MKLN1: variants seen among roughly 807,000 people sequenced by gnomAD.
MKLN1 encodes muskelin.
A neutral mutation model predicts 99.0 loss-of-function variants in MKLN1; 18 were observed. The observed-to-expected ratio is 0.18, with a 90% CI of 0.13 to 0.27. The LOEUF (loss-of-function observed/expected upper bound fraction) is 0.27. MKLN1 is among the 10% of genes least tolerant of loss of function. The probability of loss-of-function intolerance (pLI) is 1.00; values close to 1 mark genes in which losing one functional copy is unlikely to be tolerated. For missense variants in MKLN1, 621 were observed against 875.9 expected (o/e 0.71, Z 3.67); for synonymous variants, 288 against 293.2 (o/e 0.98, Z 0.18).
intron 3 of MKLN1, among the ~76,000 whole-genome samples, chr7:131,265,268 G>A (rs1190207982): frequency 6.6e-6 from 1 of 152,158 alleles, no homozygotes; most frequent in Non-Finnish European, 1.5e-5. Context: ...ACCACCACTG[G>A]GAATTACTTT....
chr7:131,444,760 A>AGTAGTAGT (rs1563351975), intron 11 of MKLN1, among the ~76,000 whole-genome samples: 41 of 56,322 alleles, frequency 7.3e-4, no homozygotes, highest in Admixed American at 9.6e-4. Flanking sequence ...GTAGTAGTAG[A>AGTAGTAGT]AGAAGTAGTA....
intron 3 of MKLN1, among the ~76,000 whole-genome samples, chr7:131,263,839 G>A (rs1222350569): frequency 6.6e-6 from 1 of 152,068 alleles, no homozygotes; most frequent in East Asian, 1.9e-4. Flanking sequence ...CAAAGTGCTG[G>A]GATTACAGGT....
intron 2 of MKLN1, among the ~76,000 whole-genome samples, chr7:131,381,549 A>G (rs910101364): frequency 6.6e-6 from 1 of 152,216 alleles, no homozygotes; most frequent in Non-Finnish European, 1.5e-5. Flanking sequence ...GTGAGAATCA[A>G]AAAGGAGATA....
rs199531486 is a variant in MKLN1, at chr7:131,219,746, C to CAA, written c.-179+16772_-179+16773insAA. 3.7e-3 allele frequency among the ~76,000 whole-genome samples: 565 copies of CAA among 152,230 alleles called. 1 individual carries two copies. The highest frequency in any genetic ancestry group is 0.013 in the African/African-American group (552 of 41,532). On this transcript the variant is annotated intron_variant, in intron 3 of 7. Coordinates refer to the MKLN1 transcript ENST00000416992. ...TGCAATTCTGCAGCTCGCTTTTGTTCCCTCCCTCCACTGGCTGTGTCTGAT... is the reference window on the plus strand; with the variant it reads ...TGCAATTCTGCAGCTCGCTTTTGTTCAACCTCCCTCCACTGGCTGTGTCTGAT...
chr7:131,288,635 G>A (rs925596286), intron 3 of MKLN1, among the ~76,000 whole-genome samples: 17 of 152,328 alleles, frequency 1.1e-4, no homozygotes, highest in African/African-American at 3.8e-4. Context: ...GTGGGAAGGT[G>A]ATTCAGCACA....
In MKLN1 at chr7:131,466,273, T is replaced by C; in HGVS notation, c.1789-3T>C. On this transcript the variant is annotated splice_polypyrimidine_tract_variant and splice_region_variant and intron_variant, in intron 14 of 17. Transcript: ENST00000352689. ...AAAATCTGGCTTATTTTGCTTATTA[T>C]AGGTTCATTACTTATTTGGTGGGAA... The C allele has an allele frequency of 6.3e-7, 1 of 1,588,732 alleles. No individual in the cohort carries two copies. The highest frequency in any genetic ancestry group is 8.6e-7 in the Non-Finnish European group (1 of 1,164,902).
At chr7:131,192,078 C>CATGTAT (rs1554534634) in intron 2 of MKLN1, among the ~76,000 whole-genome samples, 1 of 84,092 alleles carries the variant, frequency 1.2e-5, no homozygotes, top group Non-Finnish European at 2.3e-5. Context: ...TATATATATA[C>CATGTAT]ATATATATTA....
chr7:131,429,842 A>AT (rs1795472840), intron 9 of MKLN1, among the ~76,000 whole-genome samples: 1 of 152,170 alleles, frequency 6.6e-6, no homozygotes, highest in African/African-American at 2.4e-5. Flanking sequence ...GGCCTCCCAA[A>AT]GTACTGGGAT....
Position 131,474,438 on chromosome 7 carries a change from C to T in MKLN1, c.2031+3494C>T, listed in dbSNP as rs142311476. Among the ~76,000 whole-genome samples the T allele has an allele frequency of 7.9e-5, 12 of 152,238 alleles. No individual in the cohort carries two copies. The East Asian group carries it at 2.3e-3, about 29-fold the overall frequency. On this transcript the variant is annotated intron_variant, in intron 16 of 17. Coordinates refer to ENST00000352689, the MANE Select transcript of MKLN1 (RefSeq NM_013255.5). ...CAGCCAACTTAAGATGTTGAGGTGA[C>T]TGTTGGATATTTGAATCCAGAGTTT... is the stretch of plus-strand genomic sequence containing the variant.
intron 1 of MKLN1, among the ~76,000 whole-genome samples, chr7:131,351,260 A>G (rs1799711577): frequency 6.6e-6 from 1 of 151,756 alleles, no homozygotes; most frequent in Admixed American, 6.6e-5. Flanking sequence ...TTAAAAAAAC[A>G]AAAAGAAGAA....
At chr7:131,114,072 TCTAAA>T (rs1795238443) in intron 1 of MKLN1, among the ~76,000 whole-genome samples, 1 of 152,192 alleles carries the variant, frequency 6.6e-6, no homozygotes, top group Admixed American at 6.5e-5. Flanking sequence ...ATGATGCATG[TCTAAA>T]CTAAGGTAGC....
intron 2 of MKLN1, among the ~76,000 whole-genome samples, chr7:131,197,148 T>A (rs529914616): frequency 5.9e-5 from 9 of 152,194 alleles, no homozygotes; most frequent in African/African-American, 2.2e-4. Flanking sequence ...TCCAAAATAG[T>A]GCATTACTAT....
chr7:131,412,837 G>C (rs964822928), intron 7 of MKLN1, among the ~76,000 whole-genome samples: 1 of 152,148 alleles, frequency 6.6e-6, no homozygotes, highest in Non-Finnish European at 1.5e-5. Context: ...CTTCTCTTTA[G>C]TTGTGAGAAA....
intron 1 of MKLN1, among the ~76,000 whole-genome samples, chr7:131,117,325 G>T (rs150871162): frequency 0.064 from 9,711 of 151,842 alleles, 548 homozygotes; most frequent in South Asian, 0.26. Flanking sequence ...AGCTACTCGG[G>T]AGGCTGAGGC....
In MKLN1 at chr7:131,495,626, G is replaced by GT. The variant is rs1468570904; in HGVS notation, c.*7904dup. 6.6e-6 allele frequency: 1 copy of GT among 151,988 alleles called. No individual in the cohort carries two copies. The highest frequency in any genetic ancestry group is 1.5e-5 in the Non-Finnish European group (1 of 67,986). The allele number at this position is 151,988 out of a possible 1,614,324, so 9.4% of individuals were successfully genotyped here. A position where few individuals can be genotyped will look rare whatever the true frequency, so the allele number is the denominator to read the frequency against. On this transcript the variant is annotated 3_prime_UTR_variant, in exon 18 of 18. Transcript: ENST00000352689. The stretch of plus-strand genomic sequence containing the variant: ...AAAAAATTAACACAGCCATTCCATT[G>GT]TTTTTTACCACATGGAGAAAGGACC...
intron 8 of MKLN1, among the ~76,000 whole-genome samples, chr7:131,417,881 TGTA>T (rs1795068789): frequency 6.6e-6 from 1 of 152,226 alleles, no homozygotes; most frequent in Non-Finnish European, 1.5e-5. Context: ...TTATTTAAAA[TGTA>T]TTTTTAAAAT....
intron 12 of MKLN1, among the ~76,000 whole-genome samples, chr7:131,461,950 T>C (rs747392404): frequency 5.1e-4 from 77 of 152,208 alleles, no homozygotes; most frequent in Admixed American, 1.0e-3. Context: ...AGATTTCTTA[T>C]AAAAATACAG....
At chr7:131,293,842 A>G (rs1276558916) in intron 3 of MKLN1, among the ~76,000 whole-genome samples, 1 of 152,170 alleles carries the variant, frequency 6.6e-6, no homozygotes, top group Non-Finnish European at 1.5e-5. Flanking sequence ...AGTCAGTGTC[A>G]TGAAAAGCAA....
intron 1 of MKLN1, among the ~76,000 whole-genome samples, chr7:131,363,956 G>T (rs1187685217): frequency 6.6e-6 from 1 of 151,998 alleles, no homozygotes; most frequent in Non-Finnish European, 1.5e-5. Flanking sequence ...TCTAGCACAA[G>T]ACTAGGACTC....
Sources: gnomAD v4.1 joint callset for allele counts (sites outside exome capture counted in the v4.1 genomes callset) on GRCh38, gnomAD v4.1.1 for gene constraint, MANE v1.5 for transcripts, NCBI Gene and HGNC (gene_info 2026-07-23, HGNC 2026-07-21) for gene names.